Variants in CAMK2D observed in about 807,000 individuals in gnomAD.
CAMK2D encodes calcium/calmodulin-dependent protein kinase type II subunit delta.
A neutral mutation model predicts 84.0 loss-of-function variants in CAMK2D; 37 were observed. The observed-to-expected ratio is 0.44, with a 90% CI of 0.34 to 0.58. The LOEUF is 0.58. CAMK2D is among the 20% of genes least tolerant of loss of function. CAMK2D has a pLI of 0.02. For synonymous variants in CAMK2D, 202 were observed against 212.5 expected (o/e 0.95, Z 0.43); for missense variants, 448 against 652.5 (o/e 0.69, Z 3.41).
At chr4:113,705,627 TACAATTGTTACA>T (rs2099448318) in intron 2 of CAMK2D, among the ~76,000 whole-genome samples, 1 of 152,194 alleles carries the variant, frequency 6.6e-6, no homozygotes, top group South Asian at 2.1e-4. Context: ...CTCATAAATG[TACAATTGTTACA>T]AAATAAAAAG....
At chr4:113,740,562 T>C (rs1354857261) in intron 2 of CAMK2D, among the ~76,000 whole-genome samples, 5 of 152,102 alleles carry the variant, frequency 3.3e-5, no homozygotes, top group Non-Finnish European at 2.9e-5. Flanking sequence ...ACCTGGACTC[T>C]TGATTTCCCA....
intron 3 of CAMK2D, among the ~76,000 whole-genome samples, chr4:113,631,188 C>G (rs2099088124): frequency 6.6e-6 from 1 of 152,034 alleles, no homozygotes; most frequent in Admixed American, 6.6e-5. Flanking sequence ...TCTCCTATCA[C>G]TAGTGCTATT....
rs1476764407 is a variant in CAMK2D, at chr4:113,517,559, A to G, written c.696+4T>C. ...CTAAAGTGATATAAATAGTTATTAC[A>G]TACATCATAAGCTCCAGCCTTGATC... On this transcript the variant is annotated splice_donor_region_variant and intron_variant, in intron 9 of 20. Coordinates refer to ENST00000511664, the MANE Select transcript of CAMK2D (RefSeq NM_001321571.2). The G allele has an allele frequency of 1.4e-6, 2 of 1,429,428 alleles. No homozygotes were observed. The highest frequency in any genetic ancestry group is 9.8e-7 in the Non-Finnish European group (1 of 1,018,128). 88.5% of individuals were successfully genotyped at this position (1,429,428 alleles called of 1,614,324 possible).
chr4:113,480,013 G>A (rs182263965), intron 16 of CAMK2D, among the ~76,000 whole-genome samples: 1 of 152,226 alleles, frequency 6.6e-6, no homozygotes, highest in African/African-American at 2.4e-5. Context: ...CCAGGTTGGG[G>A]TGCAGTGGCG....
chr4:113,607,373 C>A (rs1028266311), intron 4 of CAMK2D, among the ~76,000 whole-genome samples: 1 of 152,080 alleles, frequency 6.6e-6, no homozygotes, highest in Non-Finnish European at 1.5e-5. Flanking sequence ...CTAAATATGG[C>A]AGATATGCTT....
rs56062730 is a variant in CAMK2D, at chr4:113,747,305, C to CT, written c.160+12014dup. The stretch of plus-strand genomic sequence containing the variant: ...AGAATTAATCTAACAGAATTTTGAA[C>CT]TTTTTTTTTTTTTTAAATTCAATAG... On this transcript the variant is annotated intron_variant, in intron 2 of 20. Coordinates refer to ENST00000511664, the MANE Select transcript of CAMK2D (RefSeq NM_001321571.2). Among the ~76,000 whole-genome samples the CT allele has an allele frequency of 4.1e-3, 468 of 114,460 alleles. 1 individual carries two copies. The highest frequency in any genetic ancestry group is 0.014 in the Middle Eastern group (3 of 222). The allele number at this position is 114,460 out of a possible 152,430, so 75.1% of individuals were successfully genotyped here.
intron 16 of CAMK2D, among the ~76,000 whole-genome samples, chr4:113,482,038 C>T (rs2097706932): frequency 6.6e-6 from 1 of 152,096 alleles, no homozygotes; most frequent in African/African-American, 2.4e-5. Flanking sequence ...CTGAAGGAGC[C>T]CTGGTCATGG....
chr4:113,709,784 A>G (rs2099486030), intron 2 of CAMK2D, among the ~76,000 whole-genome samples: 1 of 44,530 alleles, frequency 2.2e-5, no homozygotes, highest in Non-Finnish European at 4.1e-5. Flanking sequence ...TATATATATG[A>G]GAGACTTCAC....
intron 6 of CAMK2D, among the ~76,000 whole-genome samples, chr4:113,538,336 A>G: frequency 6.6e-6 from 1 of 152,322 alleles, no homozygotes; most frequent in East Asian, 1.9e-4. Flanking sequence ...AACAGTCTTC[A>G]ATTTCCATGA....
At chr4:113,484,087 A>G (rs1164224973) in intron 16 of CAMK2D, among the ~76,000 whole-genome samples, 1 of 152,070 alleles carries the variant, frequency 6.6e-6, no homozygotes, top group Non-Finnish European at 1.5e-5. Context: ...CTTGTTGAAA[A>G]TTACACATTT....
At chr4:113,621,818 T>G (rs1168296509) in intron 3 of CAMK2D, among the ~76,000 whole-genome samples, 1 of 152,224 alleles carries the variant, frequency 6.6e-6, no homozygotes, top group Non-Finnish European at 1.5e-5. Context: ...AGCTAAGGCA[T>G]ATCCCATAAA....
Position 113,457,191 on chromosome 4 carries a change from CTTTCCCGTGAAGGCA to C in CAMK2D, c.1535+129_1535+143del, listed in dbSNP as rs377582498. On this transcript the variant is annotated intron_variant, in intron 19 of 20. Coordinates refer to ENST00000511664, the MANE Select transcript of CAMK2D (RefSeq NM_001321571.2). ...TTGATCTTTCCAGAGAATCATAAAC[CTTTCCCGTGAAGGCA>C]TTTATTTTCATCAGTGTAACCAACT... 6.2e-3 allele frequency: 8,996 copies of C among 1,446,708 alleles called. 41 individuals carry two copies. Among genetic ancestry groups the C allele is most frequent in the Non-Finnish European group, 6.6e-3 (7,296 of 1,105,534 alleles). 89.6% of individuals were successfully genotyped at this position (1,446,708 alleles called of 1,614,324 possible).
chr4:113,466,438 T>A lies in CAMK2D; in HGVS notation c.1136-834A>T, dbSNP rs1478736113. Among the ~76,000 whole-genome samples, 6 of 152,172 alleles carry A rather than the reference T, an allele frequency of 3.9e-5. 1 individual carries two copies. The highest frequency in any genetic ancestry group is 7.3e-5 in the Non-Finnish European group (5 of 68,034). On this transcript the variant is annotated intron_variant, in intron 16 of 20. Coordinates refer to ENST00000511664, the MANE Select transcript of CAMK2D (RefSeq NM_001321571.2). ...GTCTATCTTCAGAGTAAAGATGATA[T>A]CTTGCATTGAGATATTGAACTTTAT... is the stretch of plus-strand genomic sequence containing the variant.
intron 2 of CAMK2D, among the ~76,000 whole-genome samples, chr4:113,740,901 T>A (rs959535795): frequency 2.6e-5 from 4 of 152,192 alleles, no homozygotes; most frequent in Non-Finnish European, 2.9e-5. Flanking sequence ...CATCCAAAAC[T>A]GTTAAGTGGA....
intron 2 of CAMK2D, chr4:113,754,853 T>C (rs2099624887): frequency 1.0e-6 from 1 of 984,250 alleles, no homozygotes; most frequent in South Asian, 4.7e-5. Flanking sequence ...CACTTCTGGG[T>C]CCATAACTGA....
At chr4:113,746,293 C>T (rs1021648237) in intron 2 of CAMK2D, among the ~76,000 whole-genome samples, 17 of 152,104 alleles carry the variant, frequency 1.1e-4, no homozygotes, top group Admixed American at 1.1e-3. Context: ...AAAACATATA[C>T]CTTAAAACCT....
chr4:113,545,977 C>CTAT (rs2098565400), intron 6 of CAMK2D, among the ~76,000 whole-genome samples: 1 of 152,148 alleles, frequency 6.6e-6, no homozygotes, highest in Admixed American at 6.5e-5. Flanking sequence ...AGCCCATGTC[C>CTAT]TATTAAAGTT....
chr4:113,637,344 C>CA (rs2099113952), intron 3 of CAMK2D, among the ~76,000 whole-genome samples: 2 of 152,138 alleles, frequency 1.3e-5, no homozygotes, highest in African/African-American at 4.8e-5. Flanking sequence ...CTACAATTCT[C>CA]AAAATAGTTC....
At chr4:113,582,801 T>C (rs1223721124) in intron 4 of CAMK2D, among the ~76,000 whole-genome samples, 1 of 152,236 alleles carries the variant, frequency 6.6e-6, no homozygotes, top group Non-Finnish European at 1.5e-5. Flanking sequence ...ACACTTATTG[T>C]TATAAGCTTT....
Sources: gnomAD v4.1 joint callset for allele counts (sites outside exome capture counted in the v4.1 genomes callset) on GRCh38, gnomAD v4.1.1 for gene constraint, MANE v1.5 for transcripts, NCBI Gene and HGNC (gene_info 2026-07-23, HGNC 2026-07-21) for gene names.